STK24: variants seen among roughly 807,000 people sequenced by gnomAD.
STK24 encodes the protein serine/threonine-protein kinase 24.
A neutral mutation model predicts 55.6 loss-of-function variants in STK24; 21 were observed. That is an observed-to-expected ratio of 0.38 (90% CI 0.27 to 0.54). The LOEUF (loss-of-function observed/expected upper bound fraction) is 0.54, where lower values mean the gene tolerates loss of function less well. STK24 is among the 20% of genes least tolerant of loss of function. The probability of loss-of-function intolerance (pLI) is 0.79; values close to 1 mark genes in which losing one functional copy is unlikely to be tolerated. For missense variants in STK24, 383 were observed against 538.4 expected (o/e 0.71, Z 2.86); for synonymous variants, 200 against 215.2 (o/e 0.93, Z 0.62).
chr13:98,474,378 T>C (rs1894282142), intron 5 of STK24, among the ~76,000 whole-genome samples: 2 of 152,188 alleles, frequency 1.3e-5, no homozygotes, highest in South Asian at 4.1e-4. Flanking sequence ...GTGGACTCCC[T>C]TTCTCTTGTG....
chr13:98,474,852 T>C lies in STK24; in HGVS notation c.566A>G (p.Glu189Gly). Residue 189 changes from glutamate to glycine, a missense_variant, in exon 5 of 11, where the codon GAG becomes GGG. Coordinates refer to ENST00000539966, the MANE Select transcript of STK24 (RefSeq NM_001032296.4). ...FVGTPFWMAPEVIKQSAYDSK... is the reference protein window; with the variant it reads ...FVGTPFWMAPGVIKQSAYDSK... ...GTCATAGGCCGACTGTTTGATGACC[T>C]CGGGTGCCATCCAGAATGGGGTGCC... The C allele has an allele frequency of 6.2e-7, 1 of 1,613,748 alleles. No individual in the cohort carries two copies. Among genetic ancestry groups the C allele is most frequent in the East Asian group, 2.2e-5 (1 of 44,850 alleles).
intron 8 of STK24, 112 bp downstream of exon 8, chr13:98,461,662 G>C: frequency 6.8e-7 from 1 of 1,469,278 alleles, no homozygotes. Flanking sequence ...AAAATTCCAG[G>C]ACAGCTGCCA....
At chr13:98,546,409 T>C (rs1190850594) in intron 1 of STK24, among the ~76,000 whole-genome samples, 1 of 152,176 alleles carries the variant, frequency 6.6e-6, no homozygotes, top group Non-Finnish European at 1.5e-5. Context: ...AAAGCCTTTT[T>C]TATAATTTTG....
intron 5 of STK24, among the ~76,000 whole-genome samples, 177 bp from the exon 6 acceptor site, chr13:98,466,738 C>G (rs1206821705): frequency 6.6e-6 from 1 of 152,210 alleles, no homozygotes; most frequent in Non-Finnish European, 1.5e-5. Context: ...ACAGGAGAAA[C>G]TGTAATATGC....
chr13:98,543,677 G>A (rs1351773811), intron 1 of STK24, among the ~76,000 whole-genome samples: 1 of 152,126 alleles, frequency 6.6e-6, no homozygotes, highest in Non-Finnish European at 1.5e-5. Flanking sequence ...CTCCCAAGTG[G>A]CCCCCAAGGA....
At chr13:98,502,604 G>C (rs1240282925) in intron 2 of STK24, among the ~76,000 whole-genome samples, 1 of 152,172 alleles carries the variant, frequency 6.6e-6, no homozygotes, top group Non-Finnish European at 1.5e-5. Context: ...GTTATCGTGA[G>C]AGTGGGTCGT....
At chr13:98,498,059 G>A (rs913659115) in intron 2 of STK24, among the ~76,000 whole-genome samples, 1 of 152,164 alleles carries the variant, frequency 6.6e-6, no homozygotes, top group Non-Finnish European at 1.5e-5. Context: ...TGGAGTTTCT[G>A]GAATTGGCTC....
chr13:98,453,976 C>A (rs935939722), intron 10 of STK24: 1 of 152,056 alleles, frequency 6.6e-6, no homozygotes, highest in African/African-American at 2.4e-5. Context: ...TCTGACATGC[C>A]CCAGAGAGCA....
In STK24 at chr13:98,449,978, A is replaced by G. The variant is rs929171305; in HGVS notation, c.*3195T>C. ...CAGCATCAGGCTCCCTCCAGAAGTC[A>G]CCACTCACTCATTCCTGGAGACTTG... On this transcript the variant is annotated 3_prime_UTR_variant, in exon 11 of 11. Transcript: ENST00000539966. 3.3e-5 allele frequency: 5 copies of G among 152,158 alleles called. No homozygotes were observed. Among genetic ancestry groups the G allele is most frequent in the Admixed American group, 1.3e-4 (2 of 15,282 alleles). 9.4% of individuals were successfully genotyped at this position (152,158 alleles called of 1,614,324 possible).
intron 1 of STK24, among the ~76,000 whole-genome samples, chr13:98,546,051 C>T (rs1309512754): frequency 6.6e-6 from 1 of 152,172 alleles, no homozygotes; most frequent in Non-Finnish European, 1.5e-5. Context: ...TTCTGGGTTT[C>T]ACTGATGAAG....
At chr13:98,522,704 G>C (rs1197437183) in intron 1 of STK24, among the ~76,000 whole-genome samples, 1 of 152,220 alleles carries the variant, frequency 6.6e-6, no homozygotes, top group Non-Finnish European at 1.5e-5. Flanking sequence ...GCTGCAAGCT[G>C]AAGAGTCAGG....
chr13:98,485,523 A>G (rs898516407), intron 2 of STK24, among the ~76,000 whole-genome samples: 15 of 152,242 alleles, frequency 9.9e-5, no homozygotes, highest in African/African-American at 3.6e-4. Context: ...TTGTAGCCCC[A>G]AGCTGCCTGA....
intron 1 of STK24, among the ~76,000 whole-genome samples, chr13:98,540,764 A>G (rs976841183): frequency 1.4e-5 from 1 of 71,304 alleles, no homozygotes; most frequent in Non-Finnish European, 2.9e-5. Flanking sequence ...TATTAAAAGC[A>G]AAAAAAAAAA....
intron 6 of STK24, among the ~76,000 whole-genome samples, chr13:98,464,394 G>A (rs1186005733): frequency 2.6e-4 from 40 of 151,686 alleles, no homozygotes; most frequent in Non-Finnish European, 4.4e-5. Flanking sequence ...ACTCCAGCCT[G>A]GGCGACAGAG....
intron 1 of STK24, among the ~76,000 whole-genome samples, chr13:98,535,351 A>C: frequency 2.1e-5 from 1 of 47,452 alleles, no homozygotes; most frequent in Non-Finnish European, 4.8e-5. Flanking sequence ...CAAACAAACA[A>C]ACAAACAAAC....
intron 3 of STK24, among the ~76,000 whole-genome samples, 157 bp downstream of exon 3, chr13:98,482,108 A>G (rs557175633): frequency 5.8e-4 from 88 of 152,186 alleles, no homozygotes; most frequent in South Asian, 2.7e-3. Flanking sequence ...TTAGTGATAT[A>G]TAAGAAGCAA....
chr13:98,554,550 TGCCAGTGGCTC>T (rs1897238817), intron 1 of STK24, among the ~76,000 whole-genome samples: 1 of 152,200 alleles, frequency 6.6e-6, no homozygotes, highest in Non-Finnish European at 1.5e-5. Context: ...TTAGGCCAGC[TGCCAGTGGCTC>T]ATCCTTGTTA....
At chr13:98,540,763 CAAA>C (rs35957882) in intron 1 of STK24, among the ~76,000 whole-genome samples, 4 of 58,864 alleles carry the variant, frequency 6.8e-5, no homozygotes, top group African/African-American at 1.3e-4. Flanking sequence ...ATATTAAAAG[CAAA>C]AAAAAAAAAA....
intron 3 of STK24, 71 bp from the exon 4 acceptor site, chr13:98,475,429 A>C (rs1894330584): frequency 9.3e-7 from 1 of 1,077,412 alleles, no homozygotes; most frequent in South Asian, 1.5e-5. Context: ...TAAAACAGAA[A>C]CACTATCCAT....
Sources: allele counts gnomAD v4.1 joint callset (sites outside exome capture counted in the v4.1 genomes callset), GRCh38; gene constraint gnomAD v4.1.1; transcripts MANE v1.5; gene names NCBI Gene and HGNC (gene_info 2026-07-23, HGNC 2026-07-21).